The following EIF5B variants were observed in gnomAD, a reference collection of about 807,000 sequenced individuals.
EIF5B encodes the protein eukaryotic translation initiation factor 5B, also known as eIF-5B.
A neutral mutation model predicts 147.5 loss-of-function variants in EIF5B; 47 were observed. The observed-to-expected ratio is 0.32, with a 90% CI of 0.25 to 0.41. The LOEUF is 0.41. Ranked by LOEUF, EIF5B falls within the 10% of genes least tolerant of loss-of-function variation. The pLI is 1.00. For missense variants in EIF5B, 1,064 were observed against 1,413.2 expected (o/e 0.75, Z 3.96); for synonymous variants, 455 against 456.2 (o/e 1.00, Z 0.03).
In EIF5B at chr2:99,390,642, G is replaced by A. The variant is rs1185775157; in HGVS notation, c.2685G>A (p.Gly895=). ...GDTIIVPGVE[G]PIVTQIRGLL... ...CAATCATTGTTCCTGGAGTAGAAGG[G>A]CCCATTGTAACTCAGATTCGAGGCC... Residue 895 remains glycine, a synonymous_variant, in exon 17 of 24, where the codon GGG becomes GGA. Coordinates refer to ENST00000289371, the MANE Select transcript of EIF5B (RefSeq NM_015904.4). 6.2e-7 allele frequency: 1 copy of A among 1,612,366 alleles called. No homozygotes were observed. Among genetic ancestry groups the A allele is most frequent in the Admixed American group, 1.7e-5 (1 of 59,978 alleles).
At chr2:99,348,490 C>G (rs1443023379) in intron 1 of EIF5B, among the ~76,000 whole-genome samples, 2 of 152,138 alleles carry the variant, frequency 1.3e-5, no homozygotes, top group African/African-American at 4.8e-5. Flanking sequence ...CAAAGATGTT[C>G]TGGGTAAGAA....
At chr2:99,388,435 G>T (rs1217483010) in intron 14 of EIF5B, among the ~76,000 whole-genome samples, 1 of 90,172 alleles carries the variant, frequency 1.1e-5, no homozygotes, top group Admixed American at 1.2e-4. Flanking sequence ...TTGTTTTTTT[G>T]GTTTTTTTGT....
In EIF5B at chr2:99,337,926, C is replaced by T. The variant is rs150860348; in HGVS notation, c.35+337C>T. 4.3e-3 allele frequency among the ~76,000 whole-genome samples: 651 copies of T among 152,332 alleles called. 8 individuals are homozygous for T. The highest frequency in any genetic ancestry group is 0.015 in the African/African-American group (620 of 41,580). On this transcript the variant is annotated intron_variant, in intron 1 of 23. Transcript: ENST00000289371. ...AGGCCAGTGTGAGTTTTTTTCCGCG[C>T]TACTCTTGGCGAGGGTGGGGAAGTT...
chr2:99,399,996 T>G lies in EIF5B; in HGVS notation c.*582T>G, dbSNP rs1288428423. ...AGCTGGCTGCTTTTTACTGCTTGTG[T>G]AGTCACGAGTCCATTGTAATCATCA... On this transcript the variant is annotated 3_prime_UTR_variant, in exon 24 of 24. Coordinates refer to ENST00000289371, the MANE Select transcript of EIF5B (RefSeq NM_015904.4). The G allele has an allele frequency of 7.9e-5, 12 of 152,784 alleles. No homozygotes were observed. Among genetic ancestry groups the G allele is most frequent in the Admixed American group, 7.8e-4 (12 of 15,328 alleles). The allele number at this position is 152,784 out of a possible 1,614,324, so 9.5% of individuals were successfully genotyped here.
chr2:99,385,021 C>G (rs1039768484), intron 14 of EIF5B, among the ~76,000 whole-genome samples: 3 of 152,042 alleles, frequency 2.0e-5, no homozygotes, highest in Admixed American at 6.5e-5. Context: ...GTAGAATGCT[C>G]TAAGCAGCAT....
chr2:99,360,068 G>T (rs1371131303), intron 1 of EIF5B, among the ~76,000 whole-genome samples, 168 bp from the exon 2 acceptor site: 3 of 152,126 alleles, frequency 2.0e-5, no homozygotes, highest in Non-Finnish European at 4.4e-5. Flanking sequence ...AGCAGATGTA[G>T]GGAGGCTGAT....
intron 5 of EIF5B, 109 bp from the exon 6 acceptor site, chr2:99,364,162 T>G: frequency 7.2e-7 from 1 of 1,391,272 alleles, no homozygotes; most frequent in Non-Finnish European, 9.7e-7. Context: ...CCTAACATAA[T>G]ACTTTGCATG....
chr2:99,368,081 T>A (rs1430378009), intron 6 of EIF5B, among the ~76,000 whole-genome samples: 1 of 152,228 alleles, frequency 6.6e-6, no homozygotes, highest in Admixed American at 6.5e-5. Flanking sequence ...TGAGTGACTC[T>A]CAAATCCATT....
At chr2:99,356,772 A>T (rs992946143) in intron 1 of EIF5B, among the ~76,000 whole-genome samples, 2 of 152,104 alleles carry the variant, frequency 1.3e-5, no homozygotes, top group African/African-American at 4.8e-5. Flanking sequence ...TTGCTTTCTT[A>T]CCAGGAATTG....
chr2:99,361,926 A>G, intron 4 of EIF5B, 106 bp downstream of exon 4: 1 of 1,071,694 alleles, frequency 9.3e-7, no homozygotes. Context: ...GGGTATAAAG[A>G]CACTTGATTG....
intron 12 of EIF5B, 28 bp from the exon 13 acceptor site, chr2:99,382,131 A>T (rs777550496): frequency 1.2e-6 from 2 of 1,601,882 alleles, no homozygotes; most frequent in South Asian, 2.2e-5. Context: ...ACTTTCTTAA[A>T]CTTTGAACTT....
intron 22 of EIF5B, 183 bp from the exon 23 acceptor site, chr2:99,398,565 A>C: frequency 1.8e-6 from 1 of 571,068 alleles, no homozygotes; most frequent in Non-Finnish European, 3.1e-6. Flanking sequence ...CATGAAGGGA[A>C]TAGGGTGTTG....
At chr2:99,366,511 A>C (rs1559250545) in intron 6 of EIF5B, among the ~76,000 whole-genome samples, 1 of 152,094 alleles carries the variant, frequency 6.6e-6, no homozygotes. Flanking sequence ...TCTTCAGTAC[A>C]TGCACAACAC....
chr2:99,382,681 A>T (rs1416077914), intron 13 of EIF5B, 99 bp from the exon 14 acceptor site: 9 of 1,190,474 alleles, frequency 7.6e-6, no homozygotes, highest in Non-Finnish European at 1.0e-5. Context: ...TAATACATAT[A>T]CTCTATTTTG....
rs376798567 is a variant in EIF5B at position 99,343,100 on chromosome 2, A to G, written c.35+5511A>G. Among the ~76,000 whole-genome samples, 46 of 151,762 alleles carry G rather than the reference A, an allele frequency of 3.0e-4. No individual in the cohort carries two copies. The East Asian group carries it at 6.0e-3, about 20-fold the overall frequency. Reference sequence around the variant, plus strand: ...CTCAGCCTCCCAAGTGGCTGGGACTACAGTGCCACCATGCCCAGCTAATTT... The same window carrying G: ...CTCAGCCTCCCAAGTGGCTGGGACTGCAGTGCCACCATGCCCAGCTAATTT... On this transcript the variant is annotated intron_variant, in intron 1 of 23. Coordinates refer to ENST00000289371, the MANE Select transcript of EIF5B (RefSeq NM_015904.4).
At chr2:99,344,321 A>G (rs916417049) in intron 1 of EIF5B, among the ~76,000 whole-genome samples, 2 of 152,264 alleles carry the variant, frequency 1.3e-5, no homozygotes, top group Middle Eastern at 6.8e-3. Context: ...TCAGATCATT[A>G]GATGCTAGAT....
chr2:99,375,720 C>T (rs901495333), intron 9 of EIF5B, among the ~76,000 whole-genome samples: 10 of 152,146 alleles, frequency 6.6e-5, no homozygotes, highest in Admixed American at 2.0e-4. Context: ...TGTTAAGTGA[C>T]AGATTTCGTT....
intron 8 of EIF5B, among the ~76,000 whole-genome samples, chr2:99,369,780 T>C (rs1008341073): frequency 2.6e-5 from 4 of 152,100 alleles, no homozygotes; most frequent in African/African-American, 9.7e-5. Flanking sequence ...ATCAAGACCA[T>C]CCTGGCTAAC....
In EIF5B at chr2:99,359,678, T is replaced by C. The variant is rs1278555660; in HGVS notation, c.36-558T>C. ...GTTAAGTATTTTATTTAGTGAATCA[T>C]TCCTAATTCATTTAGATTTGAATGT... is the stretch of plus-strand genomic sequence containing the variant. On this transcript the variant is annotated intron_variant, in intron 1 of 23. Coordinates refer to ENST00000289371, the MANE Select transcript of EIF5B (RefSeq NM_015904.4). Among the ~76,000 whole-genome samples the C allele has an allele frequency of 5.3e-5, 8 of 152,234 alleles. No individual in the cohort carries two copies. The South Asian group carries it at 1.7e-3, about 31-fold the overall frequency.
Sources: allele counts gnomAD v4.1 joint callset (sites outside exome capture counted in the v4.1 genomes callset), GRCh38; gene constraint gnomAD v4.1.1; transcripts MANE v1.5; gene names NCBI Gene and HGNC (gene_info 2026-07-23, HGNC 2026-07-21).